SPATA24: variants seen among roughly 807,000 people sequenced by gnomAD.
The protein encoded by SPATA24 is spermatogenesis associated 24, also known as spermatogenesis-associated protein 24.
Under a neutral mutation model 28.9 loss-of-function variants are expected in SPATA24, and 21 were observed. That is an observed-to-expected ratio of 0.73 (90% CI 0.52 to 1.05). The LOEUF is 1.05. SPATA24 is among the 50% of genes least tolerant of loss of function. SPATA24 has a pLI of 0.00. For synonymous variants in SPATA24, 76 were observed against 89.9 expected (o/e 0.85, Z 0.88); for missense variants, 215 against 242.9 (o/e 0.88, Z 0.76).
At chr5:139,402,559 G>A in intron 2 of SPATA24, 69 bp downstream of exon 2, 1 of 1,389,088 alleles carries the variant, frequency 7.2e-7, no homozygotes, top group Non-Finnish European at 1.0e-6. Flanking sequence ...AATACTTAAT[G>A]AGCCTGCCTA....
downstream of SPATA24, chr5:139,395,179 C>T (rs1455975574): frequency 8.0e-7 from 1 of 1,252,562 alleles, no homozygotes; most frequent in Non-Finnish European, 1.0e-6. Flanking sequence ...TGGGGGTCAC[C>T]GCGCCTTAAA....
chr5:139,394,757 C>T, downstream of SPATA24: 2 of 1,532,500 alleles, frequency 1.3e-6, no homozygotes, highest in South Asian at 1.2e-5. Context: ...TCCATCTCCC[C>T]CGACGGCAGC....
downstream of SPATA24, chr5:139,394,490 C>A: frequency 1.4e-6 from 2 of 1,421,678 alleles, no homozygotes; most frequent in African/African-American, 1.5e-5. Context: ...CTGGCGGGCG[C>A]GGCGCCCTCC....
intron 2 of SPATA24, 90 bp downstream of exon 2, chr5:139,402,538 C>G: frequency 8.5e-7 from 1 of 1,181,748 alleles, no homozygotes; most frequent in South Asian, 1.3e-5. Flanking sequence ...CCACTGCACC[C>G]ATCAGAGGCT....
downstream of SPATA24, chr5:139,393,014 C>T (rs968916692): frequency 5.9e-6 from 9 of 1,522,118 alleles, no homozygotes; most frequent in African/African-American, 1.1e-4. Flanking sequence ...TGCGGCACCA[C>T]CGGTAGAAAA....
intron 2 of SPATA24, 74 bp downstream of exon 2, chr5:139,402,554 T>C (rs1181295068): frequency 5.9e-6 from 8 of 1,365,856 alleles, no homozygotes; most frequent in Non-Finnish European, 8.2e-6. Flanking sequence ...AGGCTAATAC[T>C]TAATGAGCCT....
chr5:139,393,088 G>C, downstream of SPATA24: 1 of 1,525,476 alleles, frequency 6.6e-7, no homozygotes, highest in Non-Finnish European at 8.8e-7. Context: ...CGGCTCTTGC[G>C]TCTTGGATTC....
At chr5:139,393,868 C>T (rs530250634), downstream of SPATA24, 3 of 1,549,910 alleles carry the variant, frequency 1.9e-6, no homozygotes, top group East Asian at 4.9e-5. Context: ...GCGAGGACCC[C>T]GTACAGCCCC....
Position 139,404,071 on chromosome 5 carries a change from C to T in SPATA24, c.-11G>A. ...GAGGGGCGTCGCCATCTTCCGCCCC[C>T]GCCAGCTAGTTGGAAATGGCTGCCT... On this transcript the variant is annotated 5_prime_UTR_variant, in exon 1 of 6. Transcript: ENST00000450845. The T allele has an allele frequency of 6.5e-7, 1 of 1,549,262 alleles. No homozygotes were observed. Among genetic ancestry groups the T allele is most frequent in the Non-Finnish European group, 8.7e-7 (1 of 1,145,184 alleles).
chr5:139,403,957 T>G lies in SPATA24; in HGVS notation c.104A>C (p.Gln35Pro). ...VIESQEELIH[Q>P]LRNVMVLQDE... ...CTGGCTGCATACCACGTTCCTCAGC[T>G]GGTGGATTAGTTCCTCCTGAGACTC... Residue 35 changes from glutamine to proline, a missense_variant, in exon 1 of 6, where the codon CAG (glutamine) becomes CCG (proline). Physicochemically the swap from Gln to Pro is moderately conservative, Grantham distance 76 (BLOSUM62 -1). Transcript: ENST00000450845. The G allele has an allele frequency of 6.4e-7, 1 of 1,551,612 alleles. No homozygotes were observed. The highest frequency in any genetic ancestry group is 2.0e-5 in the Admixed American group (1 of 51,006).
downstream of SPATA24, chr5:139,394,790 G>A (rs976696557): frequency 5.9e-6 from 9 of 1,529,048 alleles, no homozygotes; most frequent in South Asian, 1.2e-5. Flanking sequence ...GGCTGGGGTG[G>A]CCGTGGGCCG....
At chr5:139,394,042 T>G (rs1026652111), downstream of SPATA24, 3 of 1,550,616 alleles carry the variant, frequency 1.9e-6, no homozygotes, top group African/African-American at 2.7e-5. Flanking sequence ...GATCTTCTCC[T>G]CTGACTGAAG....
intron 4 of SPATA24, among the ~76,000 whole-genome samples, chr5:139,397,818 ATGC>A (rs779997957): frequency 1.5e-4 from 23 of 152,190 alleles, no homozygotes; most frequent in Admixed American, 1.2e-3. Context: ...GCCTCCCAAA[ATGC>A]TGGGATTACA....
downstream of SPATA24, chr5:139,396,414 A>G (rs4365836): frequency 5.2e-3 from 5,504 of 1,055,402 alleles, 12 homozygotes; most frequent in Non-Finnish European, 6.0e-3. Flanking sequence ...ATTTGCAGGT[A>G]TAACATTATT....
chr5:139,400,400 G>A (rs1256709600), intron 4 of SPATA24, among the ~76,000 whole-genome samples: 1 of 149,736 alleles, frequency 6.7e-6, no homozygotes, highest in African/African-American at 2.5e-5. Flanking sequence ...TCTGCCTCCT[G>A]GGTTCAAGCA....
At chr5:139,402,171 G>T in intron 2 of SPATA24, 126 bp from the exon 3 acceptor site, 5 of 1,214,604 alleles carry the variant, frequency 4.1e-6, no homozygotes, top group Non-Finnish European at 5.5e-6. Flanking sequence ...TGGCCACCTT[G>T]CTACAGGGGC....
At chr5:139,402,724 G>C in intron 1 of SPATA24, 31 bp from the exon 2 acceptor site, 1 of 1,543,730 alleles carries the variant, frequency 6.5e-7, no homozygotes, top group Non-Finnish European at 8.8e-7. Flanking sequence ...GGGAGGGCCT[G>C]GGGCTGGAGT....
downstream of SPATA24, chr5:139,393,015 C>G (rs978980918): frequency 8.5e-6 from 13 of 1,522,916 alleles, no homozygotes; most frequent in African/African-American, 1.4e-5. Flanking sequence ...GCGGCACCAC[C>G]GGTAGAAAAT....
chr5:139,397,222 G>A (rs1038674613), intron 4 of SPATA24, 79 bp from the exon 5 acceptor site: 23 of 1,071,266 alleles, frequency 2.1e-5, no homozygotes, highest in Non-Finnish European at 3.0e-5. Context: ...CCCTCACGGG[G>A]CTTTTCAGAG....
Sources: allele counts gnomAD v4.1 joint callset (sites outside exome capture counted in the v4.1 genomes callset), GRCh38; gene constraint gnomAD v4.1.1; transcripts MANE v1.5; gene names NCBI Gene and HGNC (gene_info 2026-07-23, HGNC 2026-07-21).